The following PRKG1 variants were observed in gnomAD, a reference collection of about 807,000 sequenced individuals.
The protein encoded by PRKG1 is cGMP-dependent protein kinase 1.
In PRKG1, 35 loss-of-function variants were observed where a neutral mutation model predicts 88.1. The observed-to-expected ratio is 0.40, with a 90% CI of 0.30 to 0.53. The LOEUF is 0.53. Ranked by LOEUF, PRKG1 falls within the 20% of genes least tolerant of loss-of-function variation. The probability of loss-of-function intolerance (pLI) is 0.59; values close to 1 mark genes in which losing one functional copy is unlikely to be tolerated. For missense variants in PRKG1, 540 were observed against 839.8 expected (o/e 0.64, Z 4.41); for synonymous variants, 303 against 292.5 (o/e 1.04, Z -0.37).
intron 5 of PRKG1, among the ~76,000 whole-genome samples, chr10:52,011,968 C>T (rs1354431246): frequency 6.6e-6 from 1 of 152,170 alleles, no homozygotes; most frequent in Non-Finnish European, 1.5e-5. Context: ...TCCTCCTTGC[C>T]TTTTACCTTC....
chr10:51,405,087 T>TATTCTATAA (rs1837870982), intron 2 of PRKG1, among the ~76,000 whole-genome samples: 1 of 152,230 alleles, frequency 6.6e-6, no homozygotes, highest in Admixed American at 6.5e-5. Flanking sequence ...GAAATTATAA[T>TATTCTATAA]ATTCTATAAA....
intron 2 of PRKG1, among the ~76,000 whole-genome samples, chr10:51,239,537 C>T (rs1487578720): frequency 6.6e-6 from 1 of 152,082 alleles, no homozygotes; most frequent in Non-Finnish European, 1.5e-5. Context: ...TGAAATTATT[C>T]CCAACTTTAA....
At chr10:51,580,690 T>A (rs927412233) in intron 3 of PRKG1, among the ~76,000 whole-genome samples, 13 of 149,542 alleles carry the variant, frequency 8.7e-5, no homozygotes, top group South Asian at 4.3e-4. Flanking sequence ...CAGCTATTTT[T>A]TATTAAATGT....
intron 1 of PRKG1, among the ~76,000 whole-genome samples, chr10:51,134,898 G>A (rs1318799039): frequency 6.6e-6 from 1 of 152,050 alleles, no homozygotes; most frequent in Non-Finnish European, 1.5e-5. Flanking sequence ...ATAAACCAGT[G>A]TATATACAGC....
intron 5 of PRKG1, among the ~76,000 whole-genome samples, chr10:51,964,575 T>C (rs1843523589): frequency 6.6e-6 from 1 of 152,200 alleles, no homozygotes. Context: ...TTGAAACAGG[T>C]TGTGGTGTAA....
intron 5 of PRKG1, among the ~76,000 whole-genome samples, chr10:51,990,941 C>T (rs1243951339): frequency 4.6e-5 from 7 of 152,144 alleles, no homozygotes; most frequent in Admixed American, 2.6e-4. Context: ...ATATGTACCA[C>T]GTTTTCTTTA....
intron 2 of PRKG1, among the ~76,000 whole-genome samples, chr10:51,207,707 T>C (rs1219207667): frequency 1.3e-5 from 2 of 152,180 alleles, no homozygotes; most frequent in Non-Finnish European, 2.9e-5. Context: ...CCTGGCAGAT[T>C]ACAAGTAAGT....
intron 2 of PRKG1, among the ~76,000 whole-genome samples, chr10:51,330,299 C>T (rs1414956002): frequency 1.3e-5 from 2 of 151,468 alleles, no homozygotes; most frequent in African/African-American, 4.8e-5. Context: ...TGCAGGCATG[C>T]GCAACCATGC....
intron 3 of PRKG1, among the ~76,000 whole-genome samples, chr10:51,705,710 A>G (rs1231096962): frequency 6.6e-6 from 1 of 152,226 alleles, no homozygotes. Flanking sequence ...AGGCAGTCAT[A>G]GTTCCTCAAT....
At chr10:52,170,555 T>C (rs1343266137) in intron 9 of PRKG1, among the ~76,000 whole-genome samples, 1 of 152,052 alleles carries the variant, frequency 6.6e-6, no homozygotes, top group African/African-American at 2.4e-5. Context: ...ATCACCCCCC[T>C]CTCCACTCCA....
chr10:51,026,605 GCT>G (rs1843209288), intron 1 of PRKG1, among the ~76,000 whole-genome samples: 1 of 152,128 alleles, frequency 6.6e-6, no homozygotes, highest in Non-Finnish European at 1.5e-5. Context: ...TTGGGTCCAG[GCT>G]CTGTGCTGAG....
chr10:51,559,705 C>T (rs574032989), intron 3 of PRKG1, among the ~76,000 whole-genome samples: 3 of 152,044 alleles, frequency 2.0e-5, no homozygotes, highest in East Asian at 1.9e-4. Flanking sequence ...CTTCTTAAAT[C>T]GGTTGTTGTT....
intron 3 of PRKG1, among the ~76,000 whole-genome samples, chr10:51,728,462 T>TG (rs1564623659): frequency 0.033 from 1,525 of 46,010 alleles, 28 homozygotes; most frequent in African/African-American, 0.11. Flanking sequence ...TGTTTTTTTT[T>TG]TTTTTTTTTT....
chr10:51,740,810 C>T (rs994214683), intron 3 of PRKG1, among the ~76,000 whole-genome samples: 3 of 152,094 alleles, frequency 2.0e-5, no homozygotes, highest in Non-Finnish European at 4.4e-5. Context: ...TTCTACACAG[C>T]TATCTCCATT....
intron 2 of PRKG1, among the ~76,000 whole-genome samples, chr10:51,412,547 G>C (rs1469283875): frequency 6.6e-6 from 1 of 152,168 alleles, no homozygotes; most frequent in East Asian, 1.9e-4. Flanking sequence ...GGGAGGCTGA[G>C]GCAGGAGAAT....
At chr10:51,597,860 CATA>C (rs1310553565) in intron 3 of PRKG1, among the ~76,000 whole-genome samples, 15 of 152,056 alleles carry the variant, frequency 9.9e-5, no homozygotes, top group African/African-American at 3.4e-4. Context: ...CTGTGAGAAA[CATA>C]ATAGCAATTC....
At chr10:52,045,396 A>G (rs893407028) in intron 5 of PRKG1, among the ~76,000 whole-genome samples, 1 of 152,132 alleles carries the variant, frequency 6.6e-6, no homozygotes, top group African/African-American at 2.4e-5. Context: ...ACCAAGCACA[A>G]ATGCCTTGTA....
rs142256414 is a variant in PRKG1, at chr10:51,183,095, G to A, written c.478+29765G>A. 5.3e-3 allele frequency among the ~76,000 whole-genome samples: 810 copies of A among 152,250 alleles called. 2 individuals carry two copies. Among genetic ancestry groups the A allele is most frequent in the Non-Finnish European group, 8.0e-3 (541 of 68,022 alleles). On this transcript the variant is annotated intron_variant, in intron 2 of 17. Transcript: ENST00000373980. Reference sequence around the variant, plus strand: ...TTTCTGGTCCTTTTACCTCCTTAAAGTGTTGCTAGATGGAAAGGGGCTTTT... The same window carrying A: ...TTTCTGGTCCTTTTACCTCCTTAAAATGTTGCTAGATGGAAAGGGGCTTTT...
At chr10:51,746,375 C>T (rs1837578934) in intron 3 of PRKG1, among the ~76,000 whole-genome samples, 1 of 151,964 alleles carries the variant, frequency 6.6e-6, no homozygotes, top group Non-Finnish European at 1.5e-5. Flanking sequence ...ATTCTCACCT[C>T]TATCTTAGAG....
Sources: gnomAD v4.1 joint callset for allele counts (sites outside exome capture counted in the v4.1 genomes callset) on GRCh38, gnomAD v4.1.1 for gene constraint, MANE v1.5 for transcripts, NCBI Gene and HGNC (gene_info 2026-07-23, HGNC 2026-07-21) for gene names.